KIF26B: variants seen among roughly 807,000 people sequenced by gnomAD.
KIF26B encodes the protein kinesin family member 26B.
In KIF26B, 63 loss-of-function variants were observed where a neutral mutation model predicts 151.2. That is an observed-to-expected ratio of 0.42 (90% confidence interval 0.34 to 0.51). The LOEUF (loss-of-function observed/expected upper bound fraction) is 0.51, where lower values mean the gene tolerates loss of function less well. KIF26B is among the 20% of genes least tolerant of loss of function. The pLI, the probability that KIF26B is intolerant of heterozygous loss-of-function variation, is 0.07. For missense variants in KIF26B, 2,813 were observed against 2,913.6 expected (o/e 0.97, Z 0.79); for synonymous variants, 1,357 against 1,262.1 (o/e 1.08, Z -1.59).
At position 245,160,572 on chromosome 1, in the gene KIF26B, G is replaced by C. The variant is rs148029730; in HGVS notation, c.465+3889G>C. ...AACAACAGCCCAACGAAATTCCCTG[G>C]AGTAAGCAGTAAAGCTCCAGGTTGG... On this transcript the variant is annotated intron_variant, in intron 2 of 14. Transcript: ENST00000407071. Among the ~76,000 whole-genome samples the C allele has an allele frequency of 2.0e-4, 30 of 152,168 alleles. 1 individual carries two copies. The East Asian group carries it at 5.8e-3, about 29-fold the overall frequency.
chr1:245,238,137 A>C (rs1465664906), intron 2 of KIF26B, among the ~76,000 whole-genome samples: 1 of 152,196 alleles, frequency 6.6e-6, no homozygotes. Context: ...GTTCAAGACC[A>C]GACTGACCAA....
chr1:245,625,765 T>G (rs1313719607), intron 9 of KIF26B, among the ~76,000 whole-genome samples: 1 of 151,794 alleles, frequency 6.6e-6, no homozygotes, highest in African/African-American at 2.4e-5. Flanking sequence ...ACCTGTTTTA[T>G]CCCCCTCCCC....
At chr1:245,205,400 C>T (rs1669381673) in intron 2 of KIF26B, among the ~76,000 whole-genome samples, 1 of 152,118 alleles carries the variant, frequency 6.6e-6, no homozygotes, top group Admixed American at 6.5e-5. Flanking sequence ...AACTGGAGCA[C>T]AGCAATACTA....
intron 2 of KIF26B, among the ~76,000 whole-genome samples, chr1:245,193,068 G>T (rs1433549290): frequency 6.6e-6 from 1 of 152,136 alleles, no homozygotes; most frequent in Admixed American, 6.5e-5. Flanking sequence ...GTAGGTCTTG[G>T]TGTCTGTTGT....
At chr1:245,615,687 G>A (rs1045621634) in intron 9 of KIF26B, among the ~76,000 whole-genome samples, 3 of 152,208 alleles carry the variant, frequency 2.0e-5, no homozygotes, top group Admixed American at 2.0e-4. Context: ...ACCTCGGTTA[G>A]GTCCTTCCTA....
intron 2 of KIF26B, among the ~76,000 whole-genome samples, chr1:245,333,870 C>T (rs1002496739): frequency 1.3e-5 from 2 of 152,014 alleles, no homozygotes; most frequent in Admixed American, 6.6e-5. Context: ...TGGTGGTGGG[C>T]GCCTGTAATG....
At position 245,175,910 on chromosome 1, in the gene KIF26B, C is replaced by T. The variant is rs571191769; in HGVS notation, c.465+19227C>T. 3.3e-4 allele frequency among the ~76,000 whole-genome samples: 46 copies of T among 138,188 alleles called. No individual in the cohort carries two copies. In the South Asian group the frequency reaches 9.0e-3, roughly 27 times the overall value. 90.7% of individuals were successfully genotyped at this position (138,188 alleles called of 152,430 possible). A position where few individuals can be genotyped will look rare whatever the true frequency, so the allele number is the denominator to read the frequency against. ...CATTTTCTTCTCAAAACATATATAT[C>T]TATATCTATATCTATATATTTAGAT... On this transcript the variant is annotated intron_variant, in intron 2 of 14. Transcript: ENST00000407071.
intron 2 of KIF26B, among the ~76,000 whole-genome samples, chr1:245,164,056 AT>A (rs1389830765): frequency 2.0e-5 from 3 of 152,000 alleles, no homozygotes; most frequent in African/African-American, 7.3e-5. Context: ...ATGTGTATAT[AT>A]TTTTTTCTAT....
chr1:245,386,917 C>T (rs765715698), intron 3 of KIF26B, among the ~76,000 whole-genome samples: 1 of 152,152 alleles, frequency 6.6e-6, no homozygotes, highest in Non-Finnish European at 1.5e-5. Context: ...GGGATCTCAC[C>T]AAGTGCAGTG....
At chr1:245,623,507 T>G (rs2043687714) in intron 9 of KIF26B, among the ~76,000 whole-genome samples, 1 of 152,226 alleles carries the variant, frequency 6.6e-6, no homozygotes, top group Non-Finnish European at 1.5e-5. Flanking sequence ...ACATTTCTGT[T>G]GTTTCCAGTT....
intron 4 of KIF26B, among the ~76,000 whole-genome samples, chr1:245,504,298 GTCTCTC>G (rs985311856): frequency 6.7e-6 from 1 of 150,134 alleles, no homozygotes; most frequent in Admixed American, 6.6e-5. Context: ...CTCCTTCTTG[GTCTCTC>G]TCTCTCTCTT....
chr1:245,210,803 C>T (rs925432050), intron 2 of KIF26B, among the ~76,000 whole-genome samples: 2 of 152,090 alleles, frequency 1.3e-5, no homozygotes, highest in African/African-American at 2.4e-5. Context: ...CCTCAGCCAG[C>T]TAGTCCTGCA....
At chr1:245,245,299 G>A (rs1487345737) in intron 2 of KIF26B, among the ~76,000 whole-genome samples, 1 of 152,172 alleles carries the variant, frequency 6.6e-6, no homozygotes, top group African/African-American at 2.4e-5. Flanking sequence ...CAAAGCCCTC[G>A]ATGGTGCAGA....
chr1:245,684,052 C>T (rs1005782272), intron 10 of KIF26B, among the ~76,000 whole-genome samples, 181 bp from the exon 11 acceptor site: 1 of 152,220 alleles, frequency 6.6e-6, no homozygotes. Flanking sequence ...GAAGCACTTG[C>T]TCGGTGCTTG....
At position 245,352,836 on chromosome 1, in the gene KIF26B, CGT is replaced by C. The variant is rs112283221; in HGVS notation, c.466-13978_466-13977del. Among the ~76,000 whole-genome samples the C allele has an allele frequency of 0.014, 2,043 of 148,278 alleles. 46 individuals are homozygous for C. The highest frequency in any genetic ancestry group is 0.044 in the African/African-American group (1,803 of 40,690). ...TGGTTTCTTCCTAAAGAGATGTACA[CGT>C]GTGTGTGTGTGTGTGTGTGGTGGGC... On this transcript the variant is annotated intron_variant, in intron 2 of 14. Transcript: ENST00000407071. The surrounding 1 kb of genome is among the most constrained non-coding windows in gnomAD (Gnocchi z 5.0).
intron 4 of KIF26B, among the ~76,000 whole-genome samples, chr1:245,530,409 T>C (rs1661335205): frequency 6.6e-6 from 1 of 152,170 alleles, no homozygotes; most frequent in Non-Finnish European, 1.5e-5. Context: ...CTATTCACAA[T>C]AGTCAAGAGT....
At chr1:245,354,873 A>C (rs544134144) in intron 2 of KIF26B, among the ~76,000 whole-genome samples, 1 of 152,338 alleles carries the variant, frequency 6.6e-6, no homozygotes, top group East Asian at 1.9e-4. Context: ...CCGGGTGTCA[A>C]CCTTGACCCC....
intron 4 of KIF26B, among the ~76,000 whole-genome samples, chr1:245,505,445 G>C (rs1660712954): frequency 6.6e-6 from 1 of 152,058 alleles, no homozygotes; most frequent in Admixed American, 6.5e-5. Context: ...GAGTGCTGTG[G>C]CACAATCTTG....
At chr1:245,169,328 G>GGTGTGTGGGTGTGTGGGTGTGT in intron 2 of KIF26B, among the ~76,000 whole-genome samples, 1 of 134,178 alleles carries the variant, frequency 7.5e-6, no homozygotes, top group Non-Finnish European at 1.6e-5. Flanking sequence ...AACGGGCCAT[G>GGTGTGTGGGTGTGTGGGTGTGT]GTGTGTGTGT....
Sources: gnomAD v4.1 joint callset for allele counts (sites outside exome capture counted in the v4.1 genomes callset) on GRCh38, gnomAD v4.1.1 for gene constraint, Gnocchi (gnomAD v3.1) non-coding constraint, MANE v1.5 for transcripts, NCBI Gene and HGNC (gene_info 2026-07-23, HGNC 2026-07-21) for gene names.